The following ST6GALNAC5 variants were observed in gnomAD, a reference collection of about 807,000 sequenced individuals.
ST6GALNAC5 encodes the protein ST6 N-acetylgalactosaminide alpha-2,6-sialyltransferase 5.
A neutral mutation model predicts 33.6 loss-of-function variants in ST6GALNAC5; 27 were observed. The observed-to-expected ratio is 0.80, with a 90% CI of 0.59 to 1.11. ST6GALNAC5 has a LOEUF of 1.11. Ranked by LOEUF, ST6GALNAC5 falls within the 50% of genes least tolerant of loss-of-function variation. ST6GALNAC5 has a pLI of 0.00. For missense variants in ST6GALNAC5, 428 were observed against 454.0 expected, an observed-to-expected ratio of 0.94 and a Z score of 0.52; for synonymous variants, 194 against 171.2, an observed-to-expected ratio of 1.13 and a Z score of -1.04.
At chr1:76,983,220 T>C (rs568340883) in intron 2 of ST6GALNAC5, among the ~76,000 whole-genome samples, 1 of 152,136 alleles carries the variant, frequency 6.6e-6, no homozygotes, top group South Asian at 2.1e-4. Context: ...GACTGGCAAA[T>C]TGGATAAAGA....
intron 2 of ST6GALNAC5, among the ~76,000 whole-genome samples, chr1:76,893,929 T>G (rs552787500): frequency 6.6e-6 from 1 of 152,120 alleles, no homozygotes; most frequent in Non-Finnish European, 1.5e-5. Context: ...AAAGTGCTGG[T>G]ATTACAGGAA....
chr1:76,997,303 G>A (rs1474643647), intron 2 of ST6GALNAC5, among the ~76,000 whole-genome samples: 3 of 152,168 alleles, frequency 2.0e-5, no homozygotes, highest in Non-Finnish European at 4.4e-5. Context: ...AATATTTAAA[G>A]AGAAGACTGT....
At chr1:76,902,289 T>C (rs892441467) in intron 2 of ST6GALNAC5, among the ~76,000 whole-genome samples, 2 of 152,090 alleles carry the variant, frequency 1.3e-5, no homozygotes, top group Non-Finnish European at 2.9e-5. Flanking sequence ...AAGAATAAAA[T>C]ATTTAAGAAT....
chr1:76,872,094 CACACACACACACACACACACACACCA>C (rs1202281203), intron 2 of ST6GALNAC5, among the ~76,000 whole-genome samples: 4,032 of 150,582 alleles, frequency 0.027, 194 homozygotes, highest in African/African-American at 0.094. Flanking sequence ...CACACACACA[CACACACACACACACACACACACACCA>C]CACACATTAA....
intron 2 of ST6GALNAC5, among the ~76,000 whole-genome samples, chr1:76,930,874 G>T (rs1647133109): frequency 6.6e-6 from 1 of 152,194 alleles, no homozygotes; most frequent in Non-Finnish European, 1.5e-5. Flanking sequence ...AAGATATATT[G>T]GTTGTGGCAG....
intron 2 of ST6GALNAC5, among the ~76,000 whole-genome samples, chr1:76,889,793 A>G (rs1174426238): frequency 6.6e-6 from 1 of 151,920 alleles, no homozygotes; most frequent in African/African-American, 2.4e-5. Context: ...TCATCCATCA[A>G]GTATTTTTTC....
At chr1:76,967,199 A>G (rs1648532097) in intron 2 of ST6GALNAC5, among the ~76,000 whole-genome samples, 1 of 152,148 alleles carries the variant, frequency 6.6e-6, no homozygotes, top group Admixed American at 6.5e-5. Context: ...TATCTCTGGT[A>G]CAATTCGGCT....
intron 4 of ST6GALNAC5, among the ~76,000 whole-genome samples, chr1:77,061,996 T>C (rs2100484128): frequency 6.6e-6 from 1 of 152,322 alleles, no homozygotes; most frequent in Non-Finnish European, 1.5e-5. Context: ...TCGTGGCCTC[T>C]TGTTTGCTGT....
chr1:77,061,110 A>C (rs1652561252), intron 4 of ST6GALNAC5, among the ~76,000 whole-genome samples: 1 of 152,208 alleles, frequency 6.6e-6, no homozygotes, highest in East Asian at 1.9e-4. Context: ...AGGGTAAGTA[A>C]ATTAATAAAA....
chr1:76,867,794 G>A (rs541709454), intron 1 of ST6GALNAC5, 104 bp downstream of exon 1: 1 of 1,535,738 alleles, frequency 6.5e-7, no homozygotes, highest in African/African-American at 1.4e-5. Context: ...CCTGGGCCGC[G>A]AGGTCGCCTG....
chr1:76,904,719 G>T (rs1307268215), intron 2 of ST6GALNAC5, among the ~76,000 whole-genome samples: 3 of 152,128 alleles, frequency 2.0e-5, no homozygotes, highest in Non-Finnish European at 4.4e-5. Flanking sequence ...CAGCTACTTG[G>T]GAGGCTGAGG....
At position 77,029,185 on chromosome 1, in the gene ST6GALNAC5, T is replaced by G. The variant is rs1188600974; in HGVS notation, c.262-15019T>G. ...CTGTATTTTAGAAAGAACACATGAC[T>G]CCTGCACTCTAGCCACTTAGTACAA... On this transcript the variant is annotated intron_variant, in intron 2 of 4. Transcript: ENST00000477717. Among the ~76,000 whole-genome samples, 4 of 152,164 alleles carry G rather than the reference T, an allele frequency of 2.6e-5. No individual in the cohort carries two copies. In the East Asian group the frequency reaches 5.8e-4, roughly 22 times the overall value.
At chr1:77,060,488 C>T (rs1175453304) in intron 4 of ST6GALNAC5, among the ~76,000 whole-genome samples, 1 of 152,144 alleles carries the variant, frequency 6.6e-6, no homozygotes, top group Non-Finnish European at 1.5e-5. Context: ...CAGCTGATGG[C>T]AGGCTCACAG....
chr1:76,902,335 A>T (rs1429608101), intron 2 of ST6GALNAC5, among the ~76,000 whole-genome samples: 1 of 152,196 alleles, frequency 6.6e-6, no homozygotes, highest in Non-Finnish European at 1.5e-5. Flanking sequence ...TAATACTCTG[A>T]GAACTATAAA....
intron 2 of ST6GALNAC5, among the ~76,000 whole-genome samples, chr1:76,892,855 AAAG>A (rs1334602670): frequency 3.3e-5 from 5 of 152,198 alleles, no homozygotes; most frequent in Non-Finnish European, 5.9e-5. Flanking sequence ...CCAATTGTGC[AAAG>A]AAGGGGAGGA....
intron 2 of ST6GALNAC5, among the ~76,000 whole-genome samples, chr1:76,884,001 AT>A (rs1197342522): frequency 2.0e-5 from 3 of 152,220 alleles, no homozygotes; most frequent in Non-Finnish European, 2.9e-5. Flanking sequence ...AATTAGAGGA[AT>A]AACTCCATCA....
chr1:76,965,530 G>A (rs570101026), intron 2 of ST6GALNAC5, among the ~76,000 whole-genome samples: 1 of 152,194 alleles, frequency 6.6e-6, no homozygotes, highest in South Asian at 2.1e-4. Context: ...TGGGTAGATT[G>A]CAAAAATTTT....
intron 4 of ST6GALNAC5, among the ~76,000 whole-genome samples, chr1:77,061,270 A>G (rs375231906): frequency 6.6e-6 from 1 of 151,768 alleles, no homozygotes; most frequent in Admixed American, 6.6e-5. Context: ...GACAAAAATA[A>G]ATCTCTCTTC....
Position 76,913,048 on chromosome 1 carries a change from G to A in ST6GALNAC5, c.261+44306G>A, listed in dbSNP as rs572869557. 7.2e-3 allele frequency among the ~76,000 whole-genome samples: 1,090 copies of A among 152,200 alleles called. 12 individuals carry two copies. The highest frequency in any genetic ancestry group is 0.023 in the African/African-American group (940 of 41,494). ...TTACATTTTGGCATGATTTTGCAGC[G>A]GCTGGTACCGTTTGTTCCTTTCCAT... On this transcript the variant is annotated intron_variant, in intron 2 of 4. Transcript: ENST00000477717.
Sources: gnomAD v4.1 joint callset for allele counts (sites outside exome capture counted in the v4.1 genomes callset) on GRCh38, gnomAD v4.1.1 for gene constraint, MANE v1.5 for transcripts, NCBI Gene and HGNC (gene_info 2026-07-23, HGNC 2026-07-21) for gene names.